Variants in WNT2 observed in about 807,000 individuals in gnomAD.
WNT2 encodes the protein Wnt family member 2.
In WNT2, 12 loss-of-function variants were observed where a neutral mutation model predicts 36.9. The ratio of observed to expected loss-of-function variants is 0.33; its 90% confidence interval spans 0.21 to 0.53. The LOEUF (loss-of-function observed/expected upper bound fraction) is 0.53. Among genes scored for constraint, WNT2 ranks in the 20% least tolerant of loss-of-function variants. The probability of loss-of-function intolerance (pLI) is 0.95; values close to 1 mark genes in which losing one functional copy is unlikely to be tolerated. For missense variants in WNT2, 379 were observed against 473.1 expected, an observed-to-expected ratio of 0.80 and a Z score of 1.84; for synonymous variants, 163 against 174.6, an observed-to-expected ratio of 0.93 and a Z score of 0.52.
At chr7:117,313,545 C>T (rs568573723) in intron 3 of WNT2, among the ~76,000 whole-genome samples, 1 of 152,286 alleles carries the variant, frequency 6.6e-6, no homozygotes, top group East Asian at 1.9e-4. Flanking sequence ...TATCTAATGA[C>T]CTATTTAGTG....
chr7:117,292,821 CT>C (rs1794715466), intron 4 of WNT2, among the ~76,000 whole-genome samples: 1 of 152,118 alleles, frequency 6.6e-6, no homozygotes, highest in Non-Finnish European at 1.5e-5. Flanking sequence ...TTAGAGTTAT[CT>C]AGTTTTCCTT....
chr7:117,316,400 A>G (rs1239794716), intron 2 of WNT2, among the ~76,000 whole-genome samples: 1 of 152,160 alleles, frequency 6.6e-6, no homozygotes, highest in Non-Finnish European at 1.5e-5. Flanking sequence ...CCTTTTATTA[A>G]TGGTTGCTGC....
At position 117,282,709 on chromosome 7, in the gene WNT2, A is replaced by C. The variant is rs955355185; in HGVS notation, c.854-4325T>G. Among the ~76,000 whole-genome samples the C allele has an allele frequency of 3.6e-4, 55 of 152,140 alleles. 1 individual carries two copies. The highest frequency in any genetic ancestry group is 1.2e-3 in the African/African-American group (51 of 41,426). On this transcript the variant is annotated intron_variant, in intron 4 of 4. Coordinates refer to ENST00000265441, the MANE Select transcript of WNT2 (RefSeq NM_003391.3). ...TCAACTTGACCTTGAGGGCAACAGA[A>C]TGCTATTAAGGGCCTTCACACAAAA...
intron 4 of WNT2, among the ~76,000 whole-genome samples, chr7:117,281,932 A>G (rs1794496788): frequency 6.6e-6 from 1 of 152,158 alleles, no homozygotes; most frequent in South Asian, 2.1e-4. Flanking sequence ...GAGTGTAGGT[A>G]AAGTTTTCAA....
chr7:117,314,921 C>G (rs551542578), intron 3 of WNT2, 150 bp downstream of exon 3: 1 of 1,213,696 alleles, frequency 8.2e-7, no homozygotes, highest in South Asian at 1.5e-5. Context: ...TGTTGGTATT[C>G]TTCCGAACAA....
intron 3 of WNT2, among the ~76,000 whole-genome samples, chr7:117,314,551 C>A (rs1795178551): frequency 6.6e-6 from 1 of 152,208 alleles, no homozygotes; most frequent in South Asian, 2.1e-4. Context: ...ACTTATCCAG[C>A]ACCAGAAACA....
chr7:117,287,913 A>C (rs978712131), intron 4 of WNT2, among the ~76,000 whole-genome samples: 1 of 152,130 alleles, frequency 6.6e-6, no homozygotes, highest in Non-Finnish European at 1.5e-5. Flanking sequence ...GTTTGAACCC[A>C]GAAGGCAGAG....
At chr7:117,320,213 C>G (rs1362651248) in intron 2 of WNT2, among the ~76,000 whole-genome samples, 1 of 152,182 alleles carries the variant, frequency 6.6e-6, no homozygotes, top group Non-Finnish European at 1.5e-5. Context: ...CTGGAGGAAG[C>G]CCCAGAAAGC....
chr7:117,312,780 C>A (rs950638925), intron 3 of WNT2, among the ~76,000 whole-genome samples: 9 of 152,112 alleles, frequency 5.9e-5, no homozygotes, highest in Non-Finnish European at 1.3e-4. Context: ...AGTACAGAGA[C>A]ACATGAGGGT....
At position 117,297,791 on chromosome 7, in the gene WNT2, G is replaced by A. The variant is rs758893383; in HGVS notation, c.674C>T (p.Ala225Val). ...CTLRTCWLAMADFRKTGDYLW... is the reference protein window; with the variant it reads ...CTLRTCWLAMVDFRKTGDYLW... The stretch of plus-strand genomic sequence containing the variant: ...ATAATCGCCCGTTTTCCTGAAGTCG[G>A]CCATGGCCAGCCAGCATGTCCTGAG... The change falls in exon 4 of 5, where the codon GCC becomes GTC. Residue 225 changes from alanine (A) to valine (V), a missense_variant. Physicochemically the swap from Ala to Val is moderately conservative, Grantham distance 64 (BLOSUM62 0). Transcript: ENST00000265441. 3 of 1,613,994 alleles carry A rather than the reference G, an allele frequency of 1.9e-6. No individual in the cohort carries two copies. Among genetic ancestry groups the A allele is most frequent in the Admixed American group, 1.7e-5 (1 of 59,988 alleles).
At chr7:117,310,951 T>C (rs1795109541) in intron 3 of WNT2, among the ~76,000 whole-genome samples, 1 of 152,234 alleles carries the variant, frequency 6.6e-6, no homozygotes, top group Non-Finnish European at 1.5e-5. Context: ...AAAATTTAGT[T>C]TCTTATGGTC....
chr7:117,322,298 G>A lies in WNT2; in HGVS notation c.83+609C>T, dbSNP rs1046293145. 1.4e-4 allele frequency: 21 copies of A among 153,040 alleles called. No individual in the cohort carries two copies. Among genetic ancestry groups the A allele is most frequent in the African/African-American group, 4.8e-4 (20 of 41,424 alleles). The allele number at this position is 153,040 out of a possible 1,614,324, so 9.5% of individuals were successfully genotyped here. ...TGAACAAGGTAACATCTTAGAGACA[G>A]ACCCCGGGGTCTGTAGCTTTGCATT... On this transcript the variant is annotated intron_variant, in intron 1 of 4. Coordinates refer to ENST00000265441, the MANE Select transcript of WNT2 (RefSeq NM_003391.3). This position sits in a 1 kb window ranked among gnomAD's most constrained non-coding sequence, Gnocchi z 5.4.
Position 117,297,846 on chromosome 7 carries a change from T to G in WNT2, c.619A>C (p.Lys207Gln), listed in dbSNP as rs748042297. 6.2e-7 allele frequency: 1 copy of G among 1,613,496 alleles called. No individual in the cohort carries two copies. The highest frequency in any genetic ancestry group is 2.2e-5 in the East Asian group (1 of 44,860). ...AVKRFLKQEC[K>Q]CHGVSGSCTL... is the part of the protein sequence containing the mutation. ...CATGAGCCGCTCACCCCGTGGCACT[T>G]GCACTCTTGTTTCAAGAACCGCTTT... Residue 207 changes from lysine (K) to glutamine (Q), a missense_variant, in exon 4 of 5, where the codon AAG (lysine) becomes CAG (glutamine). Transcript: ENST00000265441.
At chr7:117,283,118 G>A (rs1794518815) in intron 4 of WNT2, among the ~76,000 whole-genome samples, 1 of 152,186 alleles carries the variant, frequency 6.6e-6, no homozygotes, top group South Asian at 2.1e-4. Context: ...TGCTGTGACT[G>A]TGGGGCATTC....
rs1694521815 is a variant in WNT2, at chr7:117,276,905, A to G, written c.*1250T>C. ...GTCTCCAAGTTACGATTTGTTTGCA[A>G]TATAATATAGCAGGGTTACCAACTT... On this transcript the variant is annotated 3_prime_UTR_variant, in exon 5 of 5. Coordinates refer to ENST00000265441, the MANE Select transcript of WNT2 (RefSeq NM_003391.3). 1 of 152,368 alleles carries G rather than the reference A, an allele frequency of 6.6e-6. No homozygotes were observed. Among genetic ancestry groups the G allele is most frequent in the African/African-American group, 2.4e-5 (1 of 41,596 alleles). The allele number at this position is 152,368 out of a possible 1,614,324, so 9.4% of individuals were successfully genotyped here.
intron 3 of WNT2, among the ~76,000 whole-genome samples, chr7:117,312,392 C>A (rs1381409218): frequency 6.6e-6 from 1 of 152,128 alleles, no homozygotes; most frequent in Non-Finnish European, 1.5e-5. Context: ...TCATGTTGCC[C>A]AGGCTGGAAG....
In WNT2 at chr7:117,278,302, G is replaced by T; in HGVS notation, c.936C>A (p.Gly312=). ...TCCGGGTGACATGGGAGGTGTCGTA[G>T]CCTCTCCCACAGCACATGACTTCAC... ...DSCEVMCCGR[G]YDTSHVTRMT... is the part of the protein sequence containing the mutation. The change falls in exon 5 of 5, where the codon GGC becomes GGA. Residue 312 remains glycine (G), a synonymous_variant. Coordinates refer to ENST00000265441, the MANE Select transcript of WNT2 (RefSeq NM_003391.3). 6.2e-7 allele frequency: 1 copy of T among 1,614,242 alleles called. No homozygotes were observed. Among genetic ancestry groups the T allele is most frequent in the Non-Finnish European group, 8.5e-7 (1 of 1,180,042 alleles).
intron 2 of WNT2, among the ~76,000 whole-genome samples, chr7:117,319,524 G>A (rs39313): frequency 2.8e-5 from 2 of 71,968 alleles, no homozygotes; most frequent in South Asian, 3.5e-4. Context: ...TTAGGAATTG[G>A]GGGGGGGGGT....
intron 4 of WNT2, among the ~76,000 whole-genome samples, chr7:117,286,416 T>C (rs1323679932): frequency 6.6e-6 from 1 of 151,840 alleles, no homozygotes; most frequent in Non-Finnish European, 1.5e-5. Context: ...TCTTTCTCTC[T>C]CTCTCCCCGC....
Sources: allele counts gnomAD v4.1 joint callset (sites outside exome capture counted in the v4.1 genomes callset), GRCh38; gene constraint gnomAD v4.1.1; non-coding constraint Gnocchi (gnomAD v3.1); transcripts MANE v1.5; gene names NCBI Gene and HGNC (gene_info 2026-07-23, HGNC 2026-07-21).